Variants in PHF2 observed in about 807,000 individuals in gnomAD.
PHF2 encodes the protein lysine-specific demethylase PHF2.
PHF2 carries 27 observed loss-of-function variants against 120.5 expected under a neutral mutation model. The observed-to-expected ratio is 0.22, with a 90% CI of 0.17 to 0.31. The LOEUF (loss-of-function observed/expected upper bound fraction) is 0.31, where lower values mean the gene tolerates loss of function less well. PHF2 is among the 10% of genes least tolerant of loss of function. PHF2 has a pLI of 1.00. For missense variants in PHF2, 1,024 were observed against 1,434.8 expected (o/e 0.71, Z 4.63); for synonymous variants, 568 against 592.5 (o/e 0.96, Z 0.60).
Position 93,650,733 on chromosome 9 carries a change from C to T in PHF2, c.602+1521C>T, listed in dbSNP as rs534856594. 3.7e-3 allele frequency among the ~76,000 whole-genome samples: 561 copies of T among 152,284 alleles called. 1 individual carries two copies. Among genetic ancestry groups the T allele is most frequent in the African/African-American group, 0.013 (538 of 41,552 alleles). On this transcript the variant is annotated intron_variant, in intron 5 of 21. Transcript: ENST00000359246. ...GTGCCTGCCCTGGATCCACCCCTCA[C>T]CCCCGCTCCATCACATCACCTCTGC...
At chr9:93,625,325 G>A (rs1206607431) in intron 1 of PHF2, among the ~76,000 whole-genome samples, 1 of 152,080 alleles carries the variant, frequency 6.6e-6, no homozygotes, top group Non-Finnish European at 1.5e-5. Flanking sequence ...TCCTTTTTAA[G>A]GCTGAATAAT....
At chr9:93,614,830 ATGG>A (rs1564381539) in intron 1 of PHF2, among the ~76,000 whole-genome samples, 1 of 130,668 alleles carries the variant, frequency 7.7e-6, no homozygotes, top group Admixed American at 7.7e-5. Flanking sequence ...GGTAATGACG[ATGG>A]TGGTGATGGT....
At chr9:93,604,611 C>T (rs867767710) in intron 1 of PHF2, among the ~76,000 whole-genome samples, 75 of 152,016 alleles carry the variant, frequency 4.9e-4, no homozygotes, top group African/African-American at 1.7e-3. Context: ...ACTACAGGCG[C>T]CCGCCACCAC....
Position 93,663,581 on chromosome 9 carries a change from C to T in PHF2, c.1883C>T (p.Ala628Val), listed in dbSNP as rs777340145. The T allele has an allele frequency of 3.1e-6, 5 of 1,613,430 alleles. No individual in the cohort carries two copies. The African/African-American group carries it at 6.7e-5, about 22-fold the overall frequency. ...CAGAAGCTAGAGAAGTCGCCTCTAG[C>T]TGGAAACAAAGACAATAAGTTCTCT... ...EEQKLEKSPL[A>V]GNKDNKFSFS... Residue 628 changes from alanine (A) to valine (V), a missense_variant, in exon 14 of 22, where the codon GCT becomes GTT. By Grantham distance (64) the Ala-to-Val change is moderately conservative. Transcript: ENST00000359246.
intron 1 of PHF2, among the ~76,000 whole-genome samples, chr9:93,591,439 TGCCTCTGC>T (rs1825222271): frequency 6.6e-5 from 10 of 152,210 alleles, no homozygotes; most frequent in Non-Finnish European, 8.8e-5. Context: ...CACGGGCACC[TGCCTCTGC>T]ATACCATGTG....
intron 1 of PHF2, among the ~76,000 whole-genome samples, chr9:93,597,221 G>A (rs78547192): frequency 3.3e-5 from 5 of 152,104 alleles, no homozygotes; most frequent in Non-Finnish European, 5.9e-5. Context: ...GAGCCATCGC[G>A]CCTGGCCTCT....
chr9:93,611,310 G>T (rs547231438), intron 1 of PHF2, among the ~76,000 whole-genome samples: 1 of 151,752 alleles, frequency 6.6e-6, no homozygotes, highest in Non-Finnish European at 1.5e-5. Flanking sequence ...AGCTACTCAG[G>T]AGCCTGAGGC....
chr9:93,623,051 C>T (rs1348815141), intron 1 of PHF2, among the ~76,000 whole-genome samples: 1 of 152,138 alleles, frequency 6.6e-6, no homozygotes, highest in Non-Finnish European at 1.5e-5. Context: ...GCAGTGAGGG[C>T]ACAGCCTGGA....
intron 1 of PHF2, among the ~76,000 whole-genome samples, chr9:93,593,085 A>AAG (rs1825260604): frequency 4.4e-5 from 1 of 22,628 alleles, no homozygotes. Context: ...CCTTTATGCC[A>AAG]AAAAAAAAAA....
At chr9:93,664,336 C>T (rs1369264510) in intron 14 of PHF2, among the ~76,000 whole-genome samples, 1 of 152,096 alleles carries the variant, frequency 6.6e-6, no homozygotes, top group South Asian at 2.1e-4. Context: ...GCAAGGGGTG[C>T]GGAGGGCTGT....
intron 12 of PHF2, among the ~76,000 whole-genome samples, chr9:93,662,533 CGGATGGATGGATGGAT>C (rs138382841): frequency 3.7e-3 from 414 of 111,942 alleles, no homozygotes; most frequent in African/African-American, 0.01. Flanking sequence ...GATGGGTGGG[CGGATGGATGGATGGAT>C]GGATGGATGG....
rs147941136 is a variant in PHF2, at chr9:93,600,249, C to CTG, written c.98+23392_98+23393dup. Among the ~76,000 whole-genome samples the CTG allele has an allele frequency of 3.9e-4, 59 of 150,984 alleles. 1 individual carries two copies. The highest frequency in any genetic ancestry group is 4.6e-4 in the Admixed American group (7 of 15,138). The stretch of plus-strand genomic sequence containing the variant: ...GCATGGGGGGTGTGTGGATGTGTGT[C>CTG]TGTGTGTGTGTGTGTCACCCTGACA... On this transcript the variant is annotated intron_variant, in intron 1 of 21. Transcript: ENST00000359246.
chr9:93,638,119 A>AT (rs1296800890), intron 3 of PHF2, among the ~76,000 whole-genome samples: 2 of 149,354 alleles, frequency 1.3e-5, no homozygotes. Context: ...CCCATTTTTA[A>AT]TTTTTTTGCT....
chr9:93,650,876 A>G (rs190581480), intron 5 of PHF2, among the ~76,000 whole-genome samples: 34 of 152,254 alleles, frequency 2.2e-4, no homozygotes, highest in Admixed American at 9.2e-4. Flanking sequence ...AGCACATAAC[A>G]CGTGCAAAGG....
chr9:93,651,893 G>A (rs967107866), intron 5 of PHF2, among the ~76,000 whole-genome samples: 1 of 152,214 alleles, frequency 6.6e-6, no homozygotes, highest in African/African-American at 2.4e-5. Context: ...CTGGAGATGG[G>A]TCATGAGGGC....
intron 2 of PHF2, among the ~76,000 whole-genome samples, chr9:93,631,561 G>A (rs975544546): frequency 1.3e-5 from 2 of 152,212 alleles, no homozygotes; most frequent in African/African-American, 4.8e-5. Flanking sequence ...ATAAAGGGTA[G>A]GAAGGTTCAG....
chr9:93,602,889 A>C (rs182593590), intron 1 of PHF2, among the ~76,000 whole-genome samples: 1 of 152,176 alleles, frequency 6.6e-6, no homozygotes, highest in Non-Finnish European at 1.5e-5. Flanking sequence ...TGAGGCCTGC[A>C]TGAAGAATGG....
At chr9:93,668,436 CA>C (rs973763845) in intron 17 of PHF2, among the ~76,000 whole-genome samples, 8 of 152,240 alleles carry the variant, frequency 5.3e-5, no homozygotes, top group African/African-American at 1.9e-4. Context: ...TGACTGGCCT[CA>C]GGGGCAGGAG....
intron 3 of PHF2, among the ~76,000 whole-genome samples, chr9:93,640,174 A>G (rs1826153547): frequency 6.6e-6 from 1 of 151,846 alleles, no homozygotes; most frequent in Non-Finnish European, 1.5e-5. Context: ...AATTTTTGGC[A>G]TTTATCCTCC....
Sources: gnomAD v4.1 joint callset for allele counts (sites outside exome capture counted in the v4.1 genomes callset) on GRCh38, gnomAD v4.1.1 for gene constraint, MANE v1.5 for transcripts, NCBI Gene and HGNC (gene_info 2026-07-23, HGNC 2026-07-21) for gene names.